KIF13A: variants seen among roughly 807,000 people sequenced by gnomAD.
The protein encoded by KIF13A is kinesin-like protein KIF13A.
In KIF13A, 79 loss-of-function variants were observed where a neutral mutation model predicts 212.2. The observed-to-expected ratio is 0.37, with a 90% CI of 0.31 to 0.45. The LOEUF (loss-of-function observed/expected upper bound fraction) is 0.45, where lower values mean the gene tolerates loss of function less well. Ranked by LOEUF, KIF13A falls within the 20% of genes least tolerant of loss-of-function variation. The pLI is 1.00. For synonymous variants in KIF13A, 789 were observed against 808.6 expected (o/e 0.98, Z 0.41); for missense variants, 1,901 against 2,209.0 (o/e 0.86, Z 2.79).
intron 4 of KIF13A, among the ~76,000 whole-genome samples, chr6:17,869,153 C>G (rs970339085): frequency 6.6e-6 from 1 of 152,030 alleles, no homozygotes; most frequent in Non-Finnish European, 1.5e-5. Flanking sequence ...ATGGCTGATT[C>G]ATGTTTTATC....
intron 9 of KIF13A, among the ~76,000 whole-genome samples, chr6:17,845,373 C>T (rs1034248843): frequency 6.6e-6 from 1 of 152,094 alleles, no homozygotes; most frequent in Non-Finnish European, 1.5e-5. Context: ...TCTATTATAA[C>T]AAATTATACT....
chr6:17,873,256 T>C (rs1277104010), intron 4 of KIF13A, 121 bp downstream of exon 4: 1 of 639,584 alleles, frequency 1.6e-6, no homozygotes, highest in Non-Finnish European at 2.6e-6. Context: ...TGTGGTATAA[T>C]TGGAAAGAAC....
intron 12 of KIF13A, among the ~76,000 whole-genome samples, chr6:17,831,985 T>A (rs1020542234): frequency 6.6e-6 from 1 of 152,004 alleles, no homozygotes; most frequent in African/African-American, 2.4e-5. Context: ...GTTAAGTCAA[T>A]ATGGTACATA....
In KIF13A at chr6:17,839,195, C is replaced by T. The variant is rs888778502; in HGVS notation, c.831-1612G>A. On this transcript the variant is annotated intron_variant, in intron 9 of 38. Transcript: ENST00000259711. This position sits in a 1 kb window ranked among gnomAD's most constrained non-coding sequence, Gnocchi z 4.3. ...GGATACCTTAAAAGCCCCGACTTGA[C>T]CACTGCACAATCTGTGCCTGTAACA... 2.6e-5 allele frequency among the ~76,000 whole-genome samples: 4 copies of T among 152,170 alleles called. No homozygotes were observed. Among genetic ancestry groups the T allele is most frequent in the Non-Finnish European group, 4.4e-5 (3 of 68,030 alleles).
intron 2 of KIF13A, among the ~76,000 whole-genome samples, chr6:17,928,847 G>A (rs751477182): frequency 4.6e-5 from 7 of 151,876 alleles, no homozygotes; most frequent in Non-Finnish European, 1.0e-4. Flanking sequence ...AATACCTTTG[G>A]TCACATGAAT....
intron 3 of KIF13A, among the ~76,000 whole-genome samples, chr6:17,891,218 A>C (rs1159200579): frequency 6.6e-6 from 1 of 152,230 alleles, no homozygotes; most frequent in African/African-American, 2.4e-5. Flanking sequence ...AAGTACTAAA[A>C]GGTATGCATG....
chr6:17,846,589 G>A (rs1377166097), intron 9 of KIF13A, among the ~76,000 whole-genome samples: 1 of 120,572 alleles, frequency 8.3e-6, no homozygotes, highest in African/African-American at 3.3e-5. Flanking sequence ...TCAACATAGC[G>A]AGACCCCATT....
rs2150347155 is a variant in KIF13A, at chr6:17,811,147, A to C, written c.2001-2217T>G. Among the ~76,000 whole-genome samples the C allele has an allele frequency of 6.6e-6, 1 of 152,344 alleles. No individual in the cohort carries two copies. Among genetic ancestry groups the C allele is most frequent in the East Asian group, 1.9e-4 (1 of 5,186 alleles). The stretch of plus-strand genomic sequence containing the variant: ...AAACTCTACCTCTCAAATGCACTTG[A>C]AATCAATCCTTCTCCCTGAAAACCT... On this transcript the variant is annotated intron_variant, in intron 17 of 38. Coordinates refer to ENST00000259711, the MANE Select transcript of KIF13A (RefSeq NM_022113.6). This position sits in a 1 kb window ranked among gnomAD's most constrained non-coding sequence, Gnocchi z 6.0.
intron 33 of KIF13A, among the ~76,000 whole-genome samples, chr6:17,778,441 A>ACAT (rs1464393346): frequency 5.3e-4 from 80 of 152,350 alleles, no homozygotes; most frequent in Non-Finnish European, 1.0e-3. Context: ...ATCTTATCTT[A>ACAT]TAGTTGCATT....
chr6:17,955,564 T>A (rs1015633315), intron 2 of KIF13A, among the ~76,000 whole-genome samples: 1 of 152,246 alleles, frequency 6.6e-6, no homozygotes, highest in Non-Finnish European at 1.5e-5. Flanking sequence ...GCATTCACTA[T>A]ATTGGATGTA....
Position 17,908,003 on chromosome 6 carries a change from G to A in KIF13A, c.147-9823C>T, listed in dbSNP as rs1028924441. On this transcript the variant is annotated intron_variant, in intron 2 of 38. Transcript: ENST00000259711. ...ACACGCACTGGTGAGCCTCTGCCTG[G>A]CACCAACTGCAGCCCTCACCGTGTG... 2.6e-5 allele frequency among the ~76,000 whole-genome samples: 4 copies of A among 152,170 alleles called. No homozygotes were observed. The East Asian group carries it at 7.7e-4, about 29-fold the overall frequency.
rs527930527 is a variant in KIF13A at position 17,838,035 on chromosome 6, A to G, written c.831-452T>C. Among the ~76,000 whole-genome samples the G allele has an allele frequency of 1.4e-4, 21 of 152,074 alleles. No homozygotes were observed. The highest frequency in any genetic ancestry group is 4.1e-4 in the African/African-American group (17 of 41,488). On this transcript the variant is annotated intron_variant, in intron 9 of 38. Coordinates refer to ENST00000259711, the MANE Select transcript of KIF13A (RefSeq NM_022113.6). The surrounding 1 kb of genome is among the most constrained non-coding windows in gnomAD (Gnocchi z 4.2). ...GTAAATGGTTTAAAAAGTTAAATGC[A>G]GCTGGGAGTGGTGGCTCACACCTGT... is the stretch of plus-strand genomic sequence containing the variant.
chr6:17,952,226 C>T lies in KIF13A; in HGVS notation c.146+34828G>A, dbSNP rs148281927. On this transcript the variant is annotated intron_variant, in intron 2 of 38. Coordinates refer to ENST00000259711, the MANE Select transcript of KIF13A (RefSeq NM_022113.6). ...GGCTGAGGCAGGAAGATGGCATGAA[C>T]CCGGAAGGCAGAGCTTGCCATGAGC... Among the ~76,000 whole-genome samples, 390 of 150,956 alleles carry T rather than the reference C, an allele frequency of 2.6e-3. 2 individuals carry two copies. Among genetic ancestry groups the T allele is most frequent in the African/African-American group, 9.1e-3 (375 of 41,092 alleles).
intron 13 of KIF13A, among the ~76,000 whole-genome samples, chr6:17,830,694 G>C (rs1765371050): frequency 6.6e-6 from 1 of 152,122 alleles, no homozygotes; most frequent in Admixed American, 6.6e-5. Flanking sequence ...TCTCCTTTAG[G>C]CTTGTGTTGA....
intron 2 of KIF13A, among the ~76,000 whole-genome samples, chr6:17,921,219 T>C (rs1404192489): frequency 6.6e-6 from 1 of 152,220 alleles, no homozygotes; most frequent in Non-Finnish European, 1.5e-5. Flanking sequence ...CAAAGCATGG[T>C]AGCATATCAA....
At chr6:17,976,201 T>C (rs1438369461) in intron 2 of KIF13A, among the ~76,000 whole-genome samples, 2 of 152,138 alleles carry the variant, frequency 1.3e-5, no homozygotes, top group Non-Finnish European at 2.9e-5. Flanking sequence ...CCTCAGCCCT[T>C]GGGTGGTCGA....
Position 17,858,465 on chromosome 6 carries a change from T to C in KIF13A, c.221-2343A>G, listed in dbSNP as rs148663963. On this transcript the variant is annotated intron_variant, in intron 4 of 38. Coordinates refer to ENST00000259711, the MANE Select transcript of KIF13A (RefSeq NM_022113.6). ...ATGTTATAGTCAAGTATGATAGTCT[T>C]GTGCTCACGAAGAAAATACCTGACC... 4.6e-5 allele frequency among the ~76,000 whole-genome samples: 7 copies of C among 152,352 alleles called. No individual in the cohort carries two copies. The East Asian group carries it at 1.3e-3, about 29-fold the overall frequency.
chr6:17,939,808 T>C (rs1328416391), intron 2 of KIF13A, among the ~76,000 whole-genome samples: 1 of 151,994 alleles, frequency 6.6e-6, no homozygotes, highest in Non-Finnish European at 1.5e-5. Context: ...ATCCCAGCAC[T>C]TTGGGAGGCG....
chr6:17,924,044 T>A (rs1775298241), intron 2 of KIF13A, among the ~76,000 whole-genome samples: 1 of 152,210 alleles, frequency 6.6e-6, no homozygotes, highest in Non-Finnish European at 1.5e-5. Context: ...TCATATAACA[T>A]GTTCACAGGT....
Sources: allele counts gnomAD v4.1 joint callset (sites outside exome capture counted in the v4.1 genomes callset), GRCh38; gene constraint gnomAD v4.1.1; non-coding constraint Gnocchi (gnomAD v3.1); transcripts MANE v1.5; gene names NCBI Gene and HGNC (gene_info 2026-07-23, HGNC 2026-07-21).